The following RXRG variants were observed in gnomAD, a reference collection of about 807,000 sequenced individuals.
The protein encoded by RXRG is retinoic acid receptor RXR-gamma.
Under a neutral mutation model 49.2 loss-of-function variants are expected in RXRG, and 19 were observed. The observed-to-expected ratio is 0.39, with a 90% CI of 0.27 to 0.57. The LOEUF (loss-of-function observed/expected upper bound fraction) is 0.57, where lower values mean the gene tolerates loss of function less well. Ranked by LOEUF, RXRG falls within the 20% of genes least tolerant of loss-of-function variation. RXRG has a pLI of 0.64. For synonymous variants in RXRG, 224 were observed against 216.6 expected (o/e 1.03, Z -0.30); for missense variants, 452 against 592.5 (o/e 0.76, Z 2.46).
chr1:165,432,168 T>C (rs1372758078), intron 1 of RXRG, among the ~76,000 whole-genome samples: 2 of 152,216 alleles, frequency 1.3e-5, no homozygotes, highest in Non-Finnish European at 2.9e-5. Context: ...GTTGTTGTTA[T>C]CATTATTAAT....
chr1:165,436,443 T>A (rs1285908943), intron 1 of RXRG, among the ~76,000 whole-genome samples: 1 of 152,206 alleles, frequency 6.6e-6, no homozygotes, highest in African/African-American at 2.4e-5. Context: ...ATAATAAAAG[T>A]TAGCTCCCTT....
chr1:165,412,000 A>G (rs1468799874), intron 4 of RXRG, among the ~76,000 whole-genome samples: 1 of 152,166 alleles, frequency 6.6e-6, no homozygotes, highest in African/African-American at 2.4e-5. Flanking sequence ...CAAAGTCAAG[A>G]AAATTATCCT....
At chr1:165,418,292 A>C (rs1173292494) in intron 3 of RXRG, among the ~76,000 whole-genome samples, 1 of 152,122 alleles carries the variant, frequency 6.6e-6, no homozygotes, top group Non-Finnish European at 1.5e-5. Context: ...TCATGAATCA[A>C]TCACAATCCT....
intron 2 of RXRG, 122 bp downstream of exon 2, chr1:165,428,597 C>A: frequency 8.6e-7 from 1 of 1,169,444 alleles, no homozygotes; most frequent in East Asian, 2.4e-5. Context: ...TCTGCAGAGA[C>A]CATTCAAACC....
At chr1:165,442,217 C>T (rs555783555) in intron 1 of RXRG, among the ~76,000 whole-genome samples, 3 of 152,202 alleles carry the variant, frequency 2.0e-5, no homozygotes, top group Non-Finnish European at 2.9e-5. Flanking sequence ...TTCCCCTGTG[C>T]CTGCTTGTGA....
chr1:165,418,728 T>G (rs1658216530), intron 3 of RXRG, among the ~76,000 whole-genome samples: 1 of 152,254 alleles, frequency 6.6e-6, no homozygotes, highest in African/African-American at 2.4e-5. Flanking sequence ...ATTTTTCAAC[T>G]GTGTGACATA....
intron 4 of RXRG, among the ~76,000 whole-genome samples, chr1:165,415,607 G>T (rs1346786069): frequency 2.0e-5 from 3 of 152,154 alleles, no homozygotes; most frequent in Non-Finnish European, 2.9e-5. Flanking sequence ...GGCATAGTTT[G>T]AGGAAGAGAC....
At chr1:165,429,003 G>A (rs1217138970) in intron 1 of RXRG, 37 bp from the exon 2 acceptor site, 1 of 1,594,396 alleles carries the variant, frequency 6.3e-7, no homozygotes, top group Admixed American at 1.7e-5. Flanking sequence ...GGAGGTTGGG[G>A]AACATGGAAA....
intron 1 of RXRG, among the ~76,000 whole-genome samples, chr1:165,438,522 C>T (rs1373473651): frequency 6.6e-6 from 1 of 152,162 alleles, no homozygotes; most frequent in African/African-American, 2.4e-5. Flanking sequence ...AGAATAGACA[C>T]TCACCAAATA....
chr1:165,429,548 G>A (rs937091774), intron 1 of RXRG, among the ~76,000 whole-genome samples: 3 of 152,178 alleles, frequency 2.0e-5, no homozygotes, highest in East Asian at 1.9e-4. Flanking sequence ...GAAGGCAGTG[G>A]CTGTTGTCAT....
At position 165,401,116 on chromosome 1, in the gene RXRG, T is replaced by C. The variant is rs890684827; in HGVS notation, c.*147A>G. 3.0e-6 allele frequency: 2 copies of C among 671,928 alleles called. No individual in the cohort carries two copies. Among genetic ancestry groups the C allele is most frequent in the Non-Finnish European group, 5.0e-6 (2 of 403,414 alleles). 41.6% of individuals were successfully genotyped at this position (671,928 alleles called of 1,614,324 possible). A position where few individuals can be genotyped will look rare whatever the true frequency, so the allele number is the denominator to read the frequency against. ...CAAAAGTCCACCTATAAAAGTCTCA[T>C]GTGTAGAAAGGTTTTCTTTATTATA... On this transcript the variant is annotated 3_prime_UTR_variant, in exon 10 of 10. Coordinates refer to ENST00000359842, the MANE Select transcript of RXRG (RefSeq NM_006917.5).
chr1:165,429,151 CA>C (rs1658592426), intron 1 of RXRG, among the ~76,000 whole-genome samples, 185 bp from the exon 2 acceptor site: 1 of 152,148 alleles, frequency 6.6e-6, no homozygotes, highest in South Asian at 2.1e-4. Context: ...GCGAGGGACA[CA>C]GAGGGGAGAG....
chr1:165,419,275 T>C (rs1221191441), intron 3 of RXRG, among the ~76,000 whole-genome samples: 1 of 152,200 alleles, frequency 6.6e-6, no homozygotes, highest in African/African-American at 2.4e-5. Context: ...AGGGTTTATT[T>C]TTCTTGGGGA....
At chr1:165,435,488 G>A (rs1054694386) in intron 1 of RXRG, among the ~76,000 whole-genome samples, 2 of 152,200 alleles carry the variant, frequency 1.3e-5, no homozygotes, top group East Asian at 1.9e-4. Context: ...TGCCGGGGCC[G>A]CTGTGCTGAA....
chr1:165,416,593 C>T (rs1353299427), intron 4 of RXRG, among the ~76,000 whole-genome samples: 2 of 152,142 alleles, frequency 1.3e-5, no homozygotes, highest in African/African-American at 4.8e-5. Context: ...AGAGAGAGAC[C>T]TAGGATTAGA....
intron 6 of RXRG, among the ~76,000 whole-genome samples, 195 bp from the exon 7 acceptor site, chr1:165,409,885 G>A (rs1657886482): frequency 6.6e-6 from 1 of 151,936 alleles, no homozygotes; most frequent in African/African-American, 2.4e-5. Flanking sequence ...CTGACTTATG[G>A]CTCTGCACAT....
chr1:165,444,743 G>GA (rs1659106981), intron 1 of RXRG, 102 bp downstream of exon 1: 3 of 1,034,288 alleles, frequency 2.9e-6, no homozygotes, highest in Non-Finnish European at 4.5e-6. Context: ...AAACATATAT[G>GA]TTCTCCTTTT....
intron 4 of RXRG, among the ~76,000 whole-genome samples, chr1:165,412,411 A>G (rs1456910507): frequency 2.0e-5 from 3 of 152,198 alleles, no homozygotes; most frequent in African/African-American, 7.2e-5. Context: ...GGGAGAGAGA[A>G]CAGAGAGGAG....
chr1:165,424,134 T>C lies in RXRG; in HGVS notation c.298-4120A>G, dbSNP rs1186797004. Among the ~76,000 whole-genome samples, 4 of 152,036 alleles carry C rather than the reference T, an allele frequency of 2.6e-5. No individual in the cohort carries two copies. In the East Asian group the frequency reaches 7.7e-4, roughly 29 times the overall value. Reference sequence around the variant, plus strand: ...ACACACACAAACACACTCAGAAAAATGTTTCCTATATCACATTATCTACAA... The same window carrying C: ...ACACACACAAACACACTCAGAAAAACGTTTCCTATATCACATTATCTACAA... On this transcript the variant is annotated intron_variant, in intron 2 of 9. Transcript: ENST00000359842.
Sources: gnomAD v4.1 joint callset for allele counts (sites outside exome capture counted in the v4.1 genomes callset) on GRCh38, gnomAD v4.1.1 for gene constraint, MANE v1.5 for transcripts, NCBI Gene and HGNC (gene_info 2026-07-23, HGNC 2026-07-21) for gene names.